Variants in PEMT observed in about 807,000 individuals in gnomAD.
PEMT encodes the protein phospholipid methyltransferase.
PEMT carries 23 observed loss-of-function variants against 27.4 expected under a neutral mutation model. The observed-to-expected ratio is 0.84, with a 90% confidence interval of 0.60 to 1.19. PEMT has a LOEUF of 1.19. PEMT is among the 50% of genes most tolerant of loss of function. The probability of loss-of-function intolerance (pLI) is 0.00; values close to 1 mark genes in which losing one functional copy is unlikely to be tolerated. For missense variants in PEMT, 307 were observed against 310.1 expected, an observed-to-expected ratio of 0.99 and a Z score of 0.07; for synonymous variants, 137 against 139.1, an observed-to-expected ratio of 0.98 and a Z score of 0.11.
At chr17:17,568,139 C>T (rs1910956720) in intron 2 of PEMT, among the ~76,000 whole-genome samples, 1 of 152,206 alleles carries the variant, frequency 6.6e-6, no homozygotes, top group Admixed American at 6.5e-5. Context: ...CCCTCACAAG[C>T]CCCAGGCCCA....
chr17:17,539,988 A>C (rs1172058159), intron 2 of PEMT, among the ~76,000 whole-genome samples: 2 of 152,342 alleles, frequency 1.3e-5, no homozygotes, highest in South Asian at 2.1e-4. Flanking sequence ...GGCCCACCCC[A>C]GGAGTGCAGG....
intron 2 of PEMT, among the ~76,000 whole-genome samples, chr17:17,550,912 G>C (rs1028315320): frequency 2.6e-5 from 4 of 152,216 alleles, no homozygotes; most frequent in Admixed American, 6.5e-5. Context: ...GTGCAGAAGG[G>C]AATCAACTTT....
chr17:17,520,065 C>T (rs1029500829), intron 3 of PEMT, among the ~76,000 whole-genome samples: 54 of 152,226 alleles, frequency 3.5e-4, no homozygotes, highest in African/African-American at 1.3e-3. Flanking sequence ...CAACCCTCTG[C>T]AGCCCTCCAC....
intron 2 of PEMT, among the ~76,000 whole-genome samples, chr17:17,554,516 T>C (rs968273632): frequency 2.6e-5 from 4 of 152,244 alleles, no homozygotes; most frequent in Non-Finnish European, 5.9e-5. Context: ...AAACGTGAGC[T>C]GCGAGCGGCA....
intron 2 of PEMT, among the ~76,000 whole-genome samples, chr17:17,545,781 G>A (rs933813486): frequency 6.6e-6 from 1 of 152,230 alleles, no homozygotes; most frequent in African/African-American, 2.4e-5. Flanking sequence ...CAGAGGGACA[G>A]GTCACAGCGT....
chr17:17,510,097 G>A (rs532352042), intron 4 of PEMT, among the ~76,000 whole-genome samples: 2 of 152,248 alleles, frequency 1.3e-5, no homozygotes, highest in East Asian at 1.9e-4. Context: ...CACGCCTCCC[G>A]TTGCTCTGGG....
intron 2 of PEMT, among the ~76,000 whole-genome samples, chr17:17,575,413 C>T (rs755721790): frequency 1.4e-4 from 22 of 152,266 alleles, no homozygotes; most frequent in Non-Finnish European, 3.1e-4. Flanking sequence ...AGGATGTGGA[C>T]GTCTTTGCAG....
chr17:17,513,616 G>A lies in PEMT; in HGVS notation c.321-962C>T, dbSNP rs931284617. On this transcript the variant is annotated intron_variant, in intron 3 of 6. Coordinates refer to ENST00000255389, the MANE Select transcript of PEMT (RefSeq NM_148172.3). This position sits in a 1 kb window ranked among gnomAD's most constrained non-coding sequence, Gnocchi z 4.1. ...AAAGAAAAAAAGAAAAGGCAGTGGC[G>A]TGACCAAAAGGGGGTGACTATGACA... Among the ~76,000 whole-genome samples the A allele has an allele frequency of 6.6e-6, 1 of 152,076 alleles. No individual in the cohort carries two copies. The highest frequency in any genetic ancestry group is 1.9e-4 in the East Asian group (1 of 5,188).
chr17:17,532,090 T>G, intron 2 of PEMT, among the ~76,000 whole-genome samples: 1 of 152,182 alleles, frequency 6.6e-6, no homozygotes, highest in Non-Finnish European at 1.5e-5. Flanking sequence ...AACATCATAC[T>G]TAATGGTGAA....
At chr17:17,592,082 A>G (rs1417985463), upstream of PEMT, 3 of 985,018 alleles carry the variant, frequency 3.0e-6, no homozygotes, top group Non-Finnish European at 3.6e-6. Flanking sequence ...CCCGGGTCAC[A>G]CACGCCCAGG....
chr17:17,528,690 A>C (rs1769902721), intron 2 of PEMT, among the ~76,000 whole-genome samples: 1 of 152,186 alleles, frequency 6.6e-6, no homozygotes. Flanking sequence ...GGCCCCCCAG[A>C]ACCTATGAGA....
chr17:17,560,335 C>A (rs1249498810), intron 2 of PEMT, among the ~76,000 whole-genome samples: 1 of 152,194 alleles, frequency 6.6e-6, no homozygotes, highest in Non-Finnish European at 1.5e-5. Flanking sequence ...AAGGGGCCGC[C>A]CCATCCCCGC....
intron 2 of PEMT, among the ~76,000 whole-genome samples, chr17:17,570,212 AG>A (rs771553048): frequency 3.9e-5 from 6 of 152,188 alleles, no homozygotes; most frequent in Non-Finnish European, 8.8e-5. Context: ...TGCCACCCGG[AG>A]CACTGCACAT....
In PEMT at chr17:17,581,948, A is replaced by C. The variant is rs540374229; in HGVS notation, c.97-4921T>G. The stretch of plus-strand genomic sequence containing the variant: ...CTTTCTCATAGCTGTCATTTCCAAA[A>C]CCCCCCTCAGGAGGGTGGACCTCCC... On this transcript the variant is annotated intron_variant, in intron 1 of 6. Coordinates refer to ENST00000255389, the MANE Select transcript of PEMT (RefSeq NM_148172.3). Among the ~76,000 whole-genome samples, 290 of 150,960 alleles carry C rather than the reference A, an allele frequency of 1.9e-3. 1 individual carries two copies. Among genetic ancestry groups the C allele is most frequent in the Non-Finnish European group, 3.6e-3 (245 of 67,752 alleles).
At chr17:17,524,377 T>A (rs1907514868) in intron 2 of PEMT, among the ~76,000 whole-genome samples, 1 of 152,132 alleles carries the variant, frequency 6.6e-6, no homozygotes, top group Non-Finnish European at 1.5e-5. Context: ...GGCTGCCCCA[T>A]TTTCCAGCCC....
intron 5 of PEMT, chr17:17,507,265 G>T: frequency 7.3e-7 from 1 of 1,369,232 alleles, no homozygotes; most frequent in Non-Finnish European, 1.0e-6. Flanking sequence ...GAGCTGTCTG[G>T]CGGGCACAGA....
chr17:17,531,740 A>G (rs972920303), intron 2 of PEMT, among the ~76,000 whole-genome samples: 3 of 151,592 alleles, frequency 2.0e-5, no homozygotes, highest in Non-Finnish European at 4.4e-5. Flanking sequence ...TAAATATATC[A>G]ATCTAAATAT....
intron 4 of PEMT, 129 bp from the exon 5 acceptor site, chr17:17,509,674 T>A: frequency 1.5e-6 from 1 of 687,014 alleles, no homozygotes; most frequent in Non-Finnish European, 2.6e-6. Context: ...CCAGGAGACT[T>A]CAGAGAGTTC....
rs554549817 is a variant in PEMT, at chr17:17,536,674, C to T, written c.205-14279G>A. Among the ~76,000 whole-genome samples, 27 of 152,310 alleles carry T rather than the reference C, an allele frequency of 1.8e-4. 1 individual carries two copies. The East Asian group carries it at 4.4e-3, about 25-fold the overall frequency. On this transcript the variant is annotated intron_variant, in intron 2 of 6. Coordinates refer to ENST00000255389, the MANE Select transcript of PEMT (RefSeq NM_148172.3). Reference sequence around the variant, plus strand: ...GGAAATGGTACAGAGCTGTCCCTTCCTCACCCAGTGGGAAAGTCAATGGTG... The same window carrying T: ...GGAAATGGTACAGAGCTGTCCCTTCTTCACCCAGTGGGAAAGTCAATGGTG...
Sources: gnomAD v4.1 joint callset for allele counts (sites outside exome capture counted in the v4.1 genomes callset) on GRCh38, gnomAD v4.1.1 for gene constraint, Gnocchi (gnomAD v3.1) non-coding constraint, MANE v1.5 for transcripts, NCBI Gene and HGNC (gene_info 2026-07-23, HGNC 2026-07-21) for gene names.